The following ZNF76 variants were observed in gnomAD, a reference collection of about 807,000 sequenced individuals.
ZNF76 encodes zinc finger protein 76.
ZNF76 carries 66 observed loss-of-function variants against 66.9 expected under a neutral mutation model. The ratio of observed to expected loss-of-function variants is 0.99; its 90% CI spans 0.81 to 1.21. The LOEUF is 1.21. Ranked by LOEUF, ZNF76 falls within the 50% of genes most tolerant of loss-of-function variation. ZNF76 has a pLI of 0.00. For missense variants in ZNF76, 729 were observed against 760.3 expected (o/e 0.96, Z 0.48); for synonymous variants, 275 against 296.1 (o/e 0.93, Z 0.73).
rs780560323 is a variant in ZNF76 at position 35,295,248 on chromosome 6, A to G, written c.1713A>G (p.Ter571TrpextTer29). ...CAACAGTGTCGGAGAGTGGCTGCTG[A>G]GTCCAAGAGGGCTGGGTCCCACACC... ...LETTVSESGC[*>W] Residue 571 changes from the stop codon to tryptophan (W), a stop_lost, in exon 14 of 14, where the codon TGA becomes TGG. Transcript: ENST00000373953. The G allele has an allele frequency of 3.1e-6, 5 of 1,599,568 alleles. No homozygotes were observed. The East Asian group carries it at 1.1e-4, about 36-fold the overall frequency.
rs754332339 is a variant in ZNF76 at position 35,295,266 on chromosome 6, C to G, written c.*18C>G. On this transcript the variant is annotated 3_prime_UTR_variant, in exon 14 of 14. Transcript: ENST00000373953. The stretch of plus-strand genomic sequence containing the variant: ...GCTGCTGAGTCCAAGAGGGCTGGGT[C>G]CCACACCATGCTGGAGGAAGTGCCA... The G allele has an allele frequency of 1.9e-6, 3 of 1,577,002 alleles. No individual in the cohort carries two copies. In the Admixed American group the frequency reaches 5.4e-5, roughly 28 times the overall value.
At chr6:35,268,782 G>GAA (rs767765081) in intron 1 of ZNF76, among the ~76,000 whole-genome samples, 27 of 85,770 alleles carry the variant, frequency 3.1e-4, no homozygotes, top group East Asian at 4.0e-4. Flanking sequence ...CAAAAAGAGA[G>GAA]AAAAAAAAAA....
chr6:35,261,244 C>T (rs1785208936), intron 1 of ZNF76, among the ~76,000 whole-genome samples: 1 of 152,204 alleles, frequency 6.6e-6, no homozygotes, highest in Non-Finnish European at 1.5e-5. Context: ...ATGGATCTTA[C>T]TCTGTCCTGA....
intron 2 of ZNF76, among the ~76,000 whole-genome samples, chr6:35,285,916 G>A (rs1582149660): frequency 1.7e-5 from 1 of 59,340 alleles, no homozygotes; most frequent in Non-Finnish European, 4.8e-5. Flanking sequence ...CTGTTGGGAG[G>A]TGATGGGTTC....
intron 1 of ZNF76, among the ~76,000 whole-genome samples, chr6:35,271,085 G>C (rs374080910): frequency 6.8e-4 from 104 of 152,250 alleles, no homozygotes; most frequent in Middle Eastern, 3.4e-3. Flanking sequence ...TTATGTCTAC[G>C]TAGTATGGAA....
chr6:35,260,051 A>C (rs1360072143), intron 1 of ZNF76, among the ~76,000 whole-genome samples: 1 of 145,592 alleles, frequency 6.9e-6, no homozygotes, highest in Admixed American at 6.9e-5. Flanking sequence ...GTGACTCCCA[A>C]ACCTCACCCC....
chr6:35,295,232 C>A lies in ZNF76; in HGVS notation c.1697C>A (p.Ser566Ter). 1 of 1,606,772 alleles carries A rather than the reference C, an allele frequency of 6.2e-7. No individual in the cohort carries two copies. Among genetic ancestry groups the A allele is most frequent in the South Asian group, 1.1e-5 (1 of 89,608 alleles). Residue 566 changes from serine (S) to a stop codon, truncating the protein, a stop_gained, in exon 14 of 14, where the codon TCG becomes TAG. Coordinates refer to ENST00000373953, the MANE Select transcript of ZNF76 (RefSeq NM_003427.5). LOFTEE classifies it high-confidence loss of function. Reference protein sequence around the residue: ...QGAVTLETTVSESGC With the variant: ...QGAVTLETTV ...GCTGTGACCCTGGAGACAACAGTGT[C>A]GGAGAGTGGCTGCTGAGTCCAAGAG...
intron 1 of ZNF76, among the ~76,000 whole-genome samples, chr6:35,275,296 G>A (rs1787720916): frequency 6.6e-6 from 1 of 151,914 alleles, no homozygotes; most frequent in Non-Finnish European, 1.5e-5. Context: ...CACAGCTCAG[G>A]TCATTGCAGA....
At chr6:35,270,180 A>T (rs1197505764) in intron 1 of ZNF76, among the ~76,000 whole-genome samples, 1 of 152,170 alleles carries the variant, frequency 6.6e-6, no homozygotes. Context: ...TCTGTCGCCC[A>T]AGCTGGAATG....
At chr6:35,276,308 A>C (rs748823427) in intron 1 of ZNF76, among the ~76,000 whole-genome samples, 4 of 152,204 alleles carry the variant, frequency 2.6e-5, no homozygotes, top group Non-Finnish European at 4.4e-5. Context: ...ATTAGAAGCC[A>C]ATTCTGTAGA....
chr6:35,263,913 G>T (rs1041562417), intron 1 of ZNF76, among the ~76,000 whole-genome samples: 5 of 152,078 alleles, frequency 3.3e-5, no homozygotes, highest in Admixed American at 6.6e-5. Context: ...ACCATGCCCA[G>T]CTAATTTTTG....
In ZNF76 at chr6:35,286,153, G is replaced by T; in HGVS notation, c.99G>T (p.Val33=). Residue 33 remains valine (V), a synonymous_variant, in exon 3 of 14, where the codon GTG becomes GTT. Transcript: ENST00000373953. ...VKGEKLLEGQ[V]IQLEDGTTAY... ...GAGAGAAGCTTCTTGAAGGGCAGGT[G>T]ATCCAGCTCGAGGATGGGACCACCG... 2.5e-6 allele frequency: 4 copies of T among 1,614,166 alleles called. No homozygotes were observed. Among genetic ancestry groups the T allele is most frequent in the Non-Finnish European group, 3.4e-6 (4 of 1,180,020 alleles).
Position 35,292,143 on chromosome 6 carries a change from T to A in ZNF76, c.931+406T>A, listed in dbSNP as rs1189334374. On this transcript the variant is annotated intron_variant, in intron 9 of 13. Transcript: ENST00000373953. The surrounding 1 kb of genome is among the most constrained non-coding windows in gnomAD (Gnocchi z 4.7). ...TGTATCCTCACCCTCCCCAGTGTTA[T>A]GCCCCTCATCCAGCTTTCTGTGTTG... 1 of 404,888 alleles carries A rather than the reference T, an allele frequency of 2.5e-6. No individual in the cohort carries two copies. 25.1% of individuals were successfully genotyped at this position (404,888 alleles called of 1,614,324 possible).
At chr6:35,293,125 T>C (rs960952372) in intron 11 of ZNF76, 81 bp downstream of exon 11, 7 of 1,513,402 alleles carry the variant, frequency 4.6e-6, no homozygotes, top group Non-Finnish European at 4.4e-6. Flanking sequence ...CCTGAAGTTC[T>C]GACAGCCCCA....
At chr6:35,293,704 C>A in intron 11 of ZNF76, 47 bp from the exon 12 acceptor site, 1 of 1,596,830 alleles carries the variant, frequency 6.3e-7, no homozygotes, top group Non-Finnish European at 8.6e-7. Context: ...GACTTTCAGA[C>A]AACCCTCCAC....
intron 13 of ZNF76, 197 bp from the exon 14 acceptor site, chr6:35,294,947 C>T: frequency 1.7e-6 from 1 of 590,842 alleles, no homozygotes; most frequent in Non-Finnish European, 3.0e-6. Flanking sequence ...TATTCCAGGG[C>T]CCCCTGGCCA....
chr6:35,261,992 A>G (rs1239231238), intron 1 of ZNF76, among the ~76,000 whole-genome samples: 1 of 152,236 alleles, frequency 6.6e-6, no homozygotes, highest in Non-Finnish European at 1.5e-5. Flanking sequence ...AGAGAAGATT[A>G]TATACATTTA....
In ZNF76 at chr6:35,292,904, C is replaced by T. The variant is rs770685518; in HGVS notation, c.1189C>T (p.Pro397Ser). Residue 397 changes from proline to serine, a missense_variant, in exon 11 of 14, where the codon CCG becomes TCG. Physicochemically the swap from Pro to Ser is moderately conservative, Grantham distance 74 (BLOSUM62 -1). Coordinates refer to ENST00000373953, the MANE Select transcript of ZNF76 (RefSeq NM_003427.5). The surrounding 1 kb of genome is among the most constrained non-coding windows in gnomAD (Gnocchi z 4.7). ...LEAASAAEES[P>S]PPKRPRIAYL... ...AGCCGCCTCTGCAGCCGAGGAGAGT[C>T]CGCCACCCAAACGACCCCGGATAGC... The T allele has an allele frequency of 1.2e-6, 2 of 1,614,190 alleles. No homozygotes were observed. Among genetic ancestry groups the T allele is most frequent in the Non-Finnish European group, 1.7e-6 (2 of 1,180,052 alleles).
At chr6:35,280,520 C>A (rs373536220) in intron 1 of ZNF76, among the ~76,000 whole-genome samples, 7 of 125,952 alleles carry the variant, frequency 5.6e-5, no homozygotes, top group East Asian at 2.6e-4. Flanking sequence ...GCATGATCCC[C>A]CCCCCCCCCG....
Sources: gnomAD v4.1 joint callset for allele counts (sites outside exome capture counted in the v4.1 genomes callset) on GRCh38, gnomAD v4.1.1 for gene constraint, Gnocchi (gnomAD v3.1) non-coding constraint, MANE v1.5 for transcripts, NCBI Gene and HGNC (gene_info 2026-07-23, HGNC 2026-07-21) for gene names.